Variants in CCR5AS observed in about 807,000 individuals in gnomAD.
The protein encoded by CCR5AS is CCR5 antisense RNA.
intron 3 of CCR5AS, among the ~76,000 whole-genome samples, chr3:46,369,346 G>A (rs994511367): frequency 4.7e-5 from 7 of 148,970 alleles, no homozygotes; most frequent in Non-Finnish European, 8.9e-5. Context: ...GCACATATGG[G>A]ATGAACTAGA....
intron 1 of CCR5AS, among the ~76,000 whole-genome samples, chr3:46,397,864 T>A (rs1416451882): frequency 6.6e-6 from 1 of 152,336 alleles, no homozygotes; most frequent in Middle Eastern, 3.4e-3. Context: ...AAACGGTCAT[T>A]GAAACGCTAC....
intron 2 of CCR5AS, among the ~76,000 whole-genome samples, chr3:46,391,694 G>C (rs1396645144): frequency 2.0e-5 from 3 of 152,196 alleles, no homozygotes; most frequent in Non-Finnish European, 4.4e-5. Flanking sequence ...TGGGCCGGTG[G>C]GGGAGGGCTA....
intron 3 of CCR5AS, among the ~76,000 whole-genome samples, chr3:46,366,950 C>T (rs1701605642): frequency 6.6e-6 from 1 of 152,148 alleles, no homozygotes; most frequent in Non-Finnish European, 1.5e-5. Context: ...TGACACTGCT[C>T]ACATGACTGA....
Position 46,384,283 on chromosome 3 carries a change from G to A in CCR5AS, n.391+8542C>T, listed in dbSNP as rs141677863. On this transcript the variant is annotated intron_variant and non_coding_transcript_variant, in intron 2 of 3. Coordinates refer to ENST00000451485, the Ensembl canonical transcript of CCR5AS. ...CCATCCCATCCTAATCTTTTATTAC[G>A]CAGACGGGGTCTATACCTGGCTGGT... 6.6e-5 allele frequency among the ~76,000 whole-genome samples: 10 copies of A among 152,306 alleles called. No individual in the cohort carries two copies. In the East Asian group the frequency reaches 1.7e-3, roughly 26 times the overall value.
At chr3:46,403,747 G>T (rs1008330011) in intron 1 of CCR5AS, among the ~76,000 whole-genome samples, 2 of 152,224 alleles carry the variant, frequency 1.3e-5, no homozygotes, top group Admixed American at 6.5e-5. Flanking sequence ...TGGCGAGGAA[G>T]ACGCTCTTGG....
intron 1 of CCR5AS, among the ~76,000 whole-genome samples, chr3:46,400,086 C>T (rs1438909774): frequency 1.3e-5 from 2 of 152,050 alleles, no homozygotes; most frequent in South Asian, 2.1e-4. Flanking sequence ...CTCTGCCTCC[C>T]GGGCTCAAGC....
intron 1 of CCR5AS, among the ~76,000 whole-genome samples, chr3:46,400,546 A>G (rs1328918310): frequency 1.3e-5 from 2 of 152,242 alleles, no homozygotes; most frequent in African/African-American, 4.8e-5. Flanking sequence ...AAAAGTTGTC[A>G]TCAGAAAAGT....
chr3:46,395,848 G>C (rs1169350973), intron 1 of CCR5AS, among the ~76,000 whole-genome samples: 1 of 152,158 alleles, frequency 6.6e-6, no homozygotes, highest in East Asian at 1.9e-4. Context: ...TAGGGAAGGG[G>C]CCCTTTCCAA....
intron 2 of CCR5AS, chr3:46,373,244 T>C: frequency 6.2e-7 from 1 of 1,614,198 alleles, no homozygotes; most frequent in Non-Finnish European, 8.5e-7. Flanking sequence ...GCTTCTTCTC[T>C]GGAATCTTCT....
At chr3:46,368,793 C>T (rs557102493) in intron 3 of CCR5AS, among the ~76,000 whole-genome samples, 1 of 152,348 alleles carries the variant, frequency 6.6e-6, no homozygotes, top group African/African-American at 2.4e-5. Flanking sequence ...CGCTAGCCCA[C>T]ATTGCCCTCT....
At chr3:46,389,833 G>T (rs1701894807) in intron 2 of CCR5AS, among the ~76,000 whole-genome samples, 1 of 152,162 alleles carries the variant, frequency 6.6e-6, no homozygotes, top group African/African-American at 2.4e-5. Context: ...GTTTGGTGGT[G>T]GGGGTTGGGG....
intron 2 of CCR5AS, among the ~76,000 whole-genome samples, chr3:46,386,833 A>G (rs139753955): frequency 0.061 from 9,360 of 152,210 alleles, 946 homozygotes; most frequent in African/African-American, 0.21. Flanking sequence ...ATACTAGTGG[A>G]TTAAGTTATA....
chr3:46,372,787 G>T, intron 2 of CCR5AS: 1 of 766,316 alleles, frequency 1.3e-6, no homozygotes, highest in South Asian at 1.9e-5. Context: ...AGACATCTAT[G>T]TAGGCAATTA....
intron 3 of CCR5AS, among the ~76,000 whole-genome samples, chr3:46,369,994 C>T (rs1701640562): frequency 6.6e-6 from 1 of 152,182 alleles, no homozygotes; most frequent in African/African-American, 2.4e-5. Context: ...GGGAGTAGCT[C>T]TCTGCTGTCT....
chr3:46,399,392 G>A (rs1400458377), intron 1 of CCR5AS, among the ~76,000 whole-genome samples: 1 of 152,200 alleles, frequency 6.6e-6, no homozygotes, highest in Non-Finnish European at 1.5e-5. Flanking sequence ...GCTGCAGGGT[G>A]TAGAGTAGGG....
intron 1 of CCR5AS, among the ~76,000 whole-genome samples, chr3:46,404,309 CTCTCTCTCTCTCTCTCTCTT>C (rs1702027741): frequency 1.2e-5 from 1 of 84,944 alleles, no homozygotes; most frequent in African/African-American, 4.4e-5. Flanking sequence ...CTCTCTCTCT[CTCTCTCTCTCTCTCTCTCTT>C]TTTTTTTTTT....
At chr3:46,373,562 T>G in intron 2 of CCR5AS, 1 of 1,613,064 alleles carries the variant, frequency 6.2e-7, no homozygotes, top group African/African-American at 1.3e-5. Flanking sequence ...TCCTAAAAAC[T>G]CTGCTTCGGT....
intron 2 of CCR5AS, among the ~76,000 whole-genome samples, chr3:46,379,276 G>GT (rs1489812313): frequency 6.7e-6 from 1 of 148,428 alleles, no homozygotes. Context: ...GCGGTGTTTG[G>GT]TTTTTTGTTC....
Position 46,366,666 on chromosome 3 carries a change from T to G in CCR5AS, n.566-1621A>C, listed in dbSNP as rs559406647. 1.1e-4 allele frequency among the ~76,000 whole-genome samples: 17 copies of G among 152,248 alleles called. 1 individual carries two copies. In the South Asian group the frequency reaches 3.3e-3, roughly 30 times the overall value. On this transcript the variant is annotated intron_variant and non_coding_transcript_variant, in intron 3 of 3. Coordinates refer to ENST00000451485, the Ensembl canonical transcript of CCR5AS. ...AAGGTCTACAGGACAGAGGCAGGGA[T>G]GGAGACAACAGCATGGTGAGTTCCC...
Sources: allele counts gnomAD v4.1 joint callset (sites outside exome capture counted in the v4.1 genomes callset), GRCh38; gene constraint gnomAD v4.1.1; transcripts MANE v1.5; gene names NCBI Gene and HGNC (gene_info 2026-07-23, HGNC 2026-07-21).